Variants in TP73 observed in about 807,000 individuals in gnomAD.
TP73 encodes p53-like transcription factor.
TP73 carries 25 observed loss-of-function variants against 62.5 expected under a neutral mutation model. That is an observed-to-expected ratio of 0.40 (90% CI 0.29 to 0.56). TP73 has a LOEUF of 0.56. TP73 is among the 20% of genes least tolerant of loss of function. The pLI, the probability that TP73 is intolerant of heterozygous loss-of-function variation, is 0.46. For missense variants in TP73, 754 were observed against 913.3 expected (o/e 0.83, Z 2.25); for synonymous variants, 423 against 377.5 (o/e 1.12, Z -1.40).
At chr1:3,657,856 C>A (rs9662052) in intron 1 of TP73, among the ~76,000 whole-genome samples, 58,332 of 151,816 alleles carry the variant, frequency 0.38, 12,546 homozygotes, top group Non-Finnish European at 0.49. Context: ...TCCAGCAGCT[C>A]CTCTACCTGG....
chr1:3,662,995 G>A lies in TP73; in HGVS notation c.-34+10354G>A, dbSNP rs967337566. Among the ~76,000 whole-genome samples, 1 of 152,252 alleles carries A rather than the reference G, an allele frequency of 6.6e-6. No individual in the cohort carries two copies. The highest frequency in any genetic ancestry group is 1.5e-5 in the Non-Finnish European group (1 of 68,050). The stretch of plus-strand genomic sequence containing the variant: ...TGGGCACTGGCATGAGTAATCTGAG[G>A]GCGGCGCTTTCCTCACTGCAGTGGC... On this transcript the variant is annotated intron_variant, in intron 1 of 13. Transcript: ENST00000378295. This position sits in a 1 kb window ranked among gnomAD's most constrained non-coding sequence, Gnocchi z 4.4.
At chr1:3,731,162 C>A (rs2124545031) in intron 12 of TP73, 97 bp downstream of exon 12, 1 of 1,496,342 alleles carries the variant, frequency 6.7e-7, no homozygotes, top group Non-Finnish European at 9.0e-7. Context: ...ACCCTGTGTG[C>A]TCACCACTCG....
intron 3 of TP73, among the ~76,000 whole-genome samples, chr1:3,689,365 A>T (rs530603733): frequency 9.1e-4 from 138 of 152,232 alleles, no homozygotes; most frequent in Middle Eastern, 3.4e-3. Context: ...GGGGGCTGAG[A>T]TCCTCTGCCA....
chr1:3,674,179 C>T (rs78954169), intron 1 of TP73, among the ~76,000 whole-genome samples: 10 of 152,310 alleles, frequency 6.6e-5, no homozygotes, highest in African/African-American at 2.2e-4. Flanking sequence ...CCCCCACCCA[C>T]GGGGGGTCGG....
At chr1:3,690,616 C>G (rs1026523264) in intron 3 of TP73, 2 of 1,303,288 alleles carry the variant, frequency 1.5e-6, no homozygotes, top group Non-Finnish European at 2.0e-6. Context: ...AGGCCTGCCC[C>G]GGACTTGGAT....
At chr1:3,715,231 G>A (rs1188541186) in intron 4 of TP73, among the ~76,000 whole-genome samples, 2 of 152,144 alleles carry the variant, frequency 1.3e-5, no homozygotes, top group Non-Finnish European at 2.9e-5. Flanking sequence ...GTCCAGCCAC[G>A]GGGTAAGAAG....
intron 1 of TP73, among the ~76,000 whole-genome samples, chr1:3,654,702 A>T (rs1246700108): frequency 6.6e-6 from 1 of 152,128 alleles, no homozygotes; most frequent in African/African-American, 2.4e-5. Context: ...CTGGGGAGAG[A>T]CCCGGCTCCT....
chr1:3,653,313 C>T (rs764137065), intron 1 of TP73, among the ~76,000 whole-genome samples: 1 of 152,244 alleles, frequency 6.6e-6, no homozygotes, highest in Non-Finnish European at 1.5e-5. Context: ...TGGCCCGGGC[C>T]GGCCTGGAGG....
In TP73 at chr1:3,730,167, G is replaced by C; in HGVS notation, c.1345+19G>C. 6.6e-7 allele frequency: 1 copy of C among 1,517,090 alleles called. No homozygotes were observed. The highest frequency in any genetic ancestry group is 2.5e-5 in the East Asian group (1 of 40,340). 94.0% of individuals were successfully genotyped at this position (1,517,090 alleles called of 1,614,324 possible). A position where few individuals can be genotyped will look rare whatever the true frequency, so the allele number is the denominator to read the frequency against. ...CCCGTGGGTGAGTCCCTTGGGCAGT[G>C]CGGGCCCACGGGCAGGGCGGGGAGG... On this transcript the variant is annotated intron_variant, in intron 11 of 13. Transcript: ENST00000378295.
chr1:3,659,061 G>A (rs1172059991), intron 1 of TP73: 2 of 152,060 alleles, frequency 1.3e-5, no homozygotes, highest in East Asian at 1.9e-4. Context: ...GGGGTGATGT[G>A]TCCTGAGCCC....
intron 1 of TP73, among the ~76,000 whole-genome samples, chr1:3,658,196 G>A (rs1033644932): frequency 6.6e-6 from 1 of 152,210 alleles, no homozygotes; most frequent in Admixed American, 6.5e-5. Context: ...GACACATTAG[G>A]GATGGACAGT....
intron 3 of TP73, among the ~76,000 whole-genome samples, chr1:3,705,753 G>T (rs1419628740): frequency 3.9e-5 from 6 of 152,230 alleles, no homozygotes; most frequent in Non-Finnish European, 4.4e-5. Context: ...GCACTCAGTG[G>T]AGGACTCAGT....
intron 3 of TP73, among the ~76,000 whole-genome samples, chr1:3,692,652 G>A (rs1078686): frequency 0.019 from 2,927 of 152,276 alleles, 64 homozygotes; most frequent in African/African-American, 0.047. Context: ...CCTGGAACCC[G>A]AGGTGGATCC....
At chr1:3,704,318 G>A (rs149842650) in intron 3 of TP73, among the ~76,000 whole-genome samples, 304 of 152,296 alleles carry the variant, frequency 2.0e-3, no homozygotes, top group Non-Finnish European at 1.4e-3. Flanking sequence ...GGTGTTTTCC[G>A]TTCTTTCCGT....
chr1:3,727,673 C>T lies in TP73; in HGVS notation c.888C>T (p.Ala296=), dbSNP rs777508426. Residue 296 remains alanine, a synonymous_variant, in exon 8 of 14, where the codon GCC becomes GCT. Coordinates refer to ENST00000378295, the MANE Select transcript of TP73 (RefSeq NM_005427.4). ...GRRSFEGRIC[A]CPGRDRKADE... ...GGTCCTTTGAGGGCCGCATCTGCGC[C>T]TGTCCTGGCCGCGACCGAAAAGCTG... The T allele has an allele frequency of 1.3e-5, 21 of 1,597,562 alleles. No individual in the cohort carries two copies. The highest frequency in any genetic ancestry group is 1.8e-5 in the Non-Finnish European group (21 of 1,174,488).
rs1491505004 is a variant in TP73, at chr1:3,711,867, T to TGTGTGTGTGCGC, written c.429+4077_429+4078insTGTGTGTGCGCG. Reference sequence around the variant, plus strand: ...GTGTATGTGTGTGTGTGTGTGTGTGTGCGCGAGCATGTGCACACATGTTTG... The same window carrying TGTGTGTGTGCGC: ...GTGTATGTGTGTGTGTGTGTGTGTGTGTGTGTGTGCGCGCGCGAGCATGTGCACACATGTTTG... On this transcript the variant is annotated intron_variant, in intron 4 of 13. Coordinates refer to ENST00000378295, the MANE Select transcript of TP73 (RefSeq NM_005427.4). Among the ~76,000 whole-genome samples the TGTGTGTGTGCGC allele has an allele frequency of 1.9e-3, 277 of 147,898 alleles. 1 individual carries two copies. Among genetic ancestry groups the TGTGTGTGTGCGC allele is most frequent in the African/African-American group, 6.3e-3 (256 of 40,608 alleles).
At chr1:3,726,853 GGT>G (rs1641677539) in intron 6 of TP73, among the ~76,000 whole-genome samples, 5 of 148,386 alleles carry the variant, frequency 3.4e-5, no homozygotes, top group African/African-American at 5.0e-5. Flanking sequence ...GGATGGATGG[GGT>G]TGGTGGATGG....
At chr1:3,700,424 C>A (rs767754088) in intron 3 of TP73, among the ~76,000 whole-genome samples, 1 of 152,048 alleles carries the variant, frequency 6.6e-6, no homozygotes, top group Non-Finnish European at 1.5e-5. Flanking sequence ...TGATAAAAGG[C>A]ACTGTGGATA....
chr1:3,663,402 G>C lies in TP73; in HGVS notation c.-34+10761G>C, dbSNP rs1645038843. 6.6e-6 allele frequency among the ~76,000 whole-genome samples: 1 copy of C among 152,174 alleles called. No homozygotes were observed. The highest frequency in any genetic ancestry group is 6.5e-5 in the Admixed American group (1 of 15,280). Reference sequence around the variant, plus strand: ...TTTCCTCCTGGGTTTGTGGGGTGTGGACAGCACGGAGCGTGATGAAAGGAT... The same window carrying C: ...TTTCCTCCTGGGTTTGTGGGGTGTGCACAGCACGGAGCGTGATGAAAGGAT... On this transcript the variant is annotated intron_variant, in intron 1 of 13. Coordinates refer to ENST00000378295, the MANE Select transcript of TP73 (RefSeq NM_005427.4). This position sits in a 1 kb window ranked among gnomAD's most constrained non-coding sequence, Gnocchi z 4.7.
Sources: allele counts gnomAD v4.1 joint callset (sites outside exome capture counted in the v4.1 genomes callset), GRCh38; gene constraint gnomAD v4.1.1; non-coding constraint Gnocchi (gnomAD v3.1); transcripts MANE v1.5; gene names NCBI Gene and HGNC (gene_info 2026-07-23, HGNC 2026-07-21).